The following DGKB variants were observed in gnomAD, a reference collection of about 807,000 sequenced individuals.
The protein encoded by DGKB is diacylglycerol kinase beta.
DGKB carries 67 observed loss-of-function variants against 114.3 expected under a neutral mutation model. That is an observed-to-expected ratio of 0.59 (90% CI 0.48 to 0.72). DGKB has a LOEUF of 0.72. Among genes scored for constraint, DGKB ranks in the 30% least tolerant of loss-of-function variants. The pLI, the probability that DGKB is intolerant of heterozygous loss-of-function variation, is 0.00. For synonymous variants in DGKB, 398 were observed against 323.1 expected (o/e 1.23, Z -2.49); for missense variants, 907 against 975.2 (o/e 0.93, Z 0.93).
chr7:14,736,921 G>A (rs971611319), intron 4 of DGKB, among the ~76,000 whole-genome samples: 3 of 152,282 alleles, frequency 2.0e-5, no homozygotes, highest in Admixed American at 1.3e-4. Context: ...CGTTTCACAG[G>A]AGCCATAGTG....
At chr7:14,299,242 A>G (rs890403010) in intron 23 of DGKB, among the ~76,000 whole-genome samples, 1 of 152,156 alleles carries the variant, frequency 6.6e-6, no homozygotes, top group Non-Finnish European at 1.5e-5. Flanking sequence ...CAGATAGAAA[A>G]AGAGGCATTT....
At chr7:14,914,679 A>G (rs566699157) in intron 1 of DGKB, among the ~76,000 whole-genome samples, 2 of 152,280 alleles carry the variant, frequency 1.3e-5, no homozygotes, top group East Asian at 3.9e-4. Context: ...AGACTCAGAT[A>G]TGACACAGAT....
At chr7:14,510,799 G>A (rs1787871685) in intron 20 of DGKB, among the ~76,000 whole-genome samples, 1 of 152,060 alleles carries the variant, frequency 6.6e-6, no homozygotes. Context: ...TTGATCCATG[G>A]CTTGCAGAAT....
intron 21 of DGKB, among the ~76,000 whole-genome samples, chr7:14,384,291 T>G (rs2128690699): frequency 6.6e-6 from 1 of 152,318 alleles, no homozygotes; most frequent in South Asian, 2.1e-4. Context: ...TACATTCTAT[T>G]TAGGGCAAGG....
At chr7:14,272,900 G>T (rs1427379133) in intron 23 of DGKB, among the ~76,000 whole-genome samples, 1 of 152,172 alleles carries the variant, frequency 6.6e-6, no homozygotes, top group Non-Finnish European at 1.5e-5. Flanking sequence ...GTGTAGGTTT[G>T]CATGTTGAGA....
At chr7:14,387,535 T>G (rs1211764472) in intron 21 of DGKB, among the ~76,000 whole-genome samples, 1 of 152,020 alleles carries the variant, frequency 6.6e-6, no homozygotes, top group East Asian at 1.9e-4. Flanking sequence ...ACCTAAGCCT[T>G]CAGAGTAGCT....
At chr7:14,397,178 GATT>G (rs1420883455) in intron 21 of DGKB, among the ~76,000 whole-genome samples, 1 of 152,060 alleles carries the variant, frequency 6.6e-6, no homozygotes, top group Admixed American at 6.6e-5. Context: ...TAGAAAATTA[GATT>G]ATTAGTATGA....
chr7:14,811,333 G>C (rs996332431), intron 2 of DGKB, among the ~76,000 whole-genome samples: 1 of 152,056 alleles, frequency 6.6e-6, no homozygotes, highest in South Asian at 2.1e-4. Flanking sequence ...TCAGTTTCCT[G>C]AGTAGCCGGG....
intron 20 of DGKB, among the ~76,000 whole-genome samples, chr7:14,520,874 C>G (rs1240557296): frequency 6.6e-6 from 1 of 152,054 alleles, no homozygotes; most frequent in Admixed American, 6.6e-5. Flanking sequence ...CTGGGAAGGT[C>G]TGTCCTCAGA....
chr7:14,349,066 T>A (rs188399012), intron 21 of DGKB, among the ~76,000 whole-genome samples: 39 of 152,158 alleles, frequency 2.6e-4, no homozygotes, highest in Middle Eastern at 3.4e-3. Flanking sequence ...AACATAAAAA[T>A]GGGCTGGAGT....
intron 21 of DGKB, among the ~76,000 whole-genome samples, chr7:14,432,789 T>G (rs1828663270): frequency 6.6e-6 from 1 of 152,152 alleles, no homozygotes; most frequent in South Asian, 2.1e-4. Context: ...TCTATTTCCC[T>G]CATTTCATGC....
intron 23 of DGKB, among the ~76,000 whole-genome samples, chr7:14,328,088 T>C (rs961933185): frequency 6.6e-6 from 1 of 152,134 alleles, no homozygotes; most frequent in Non-Finnish European, 1.5e-5. Context: ...TGGAATGTTC[T>C]ATGATACTAG....
chr7:14,887,974 T>C (rs1371257277), intron 1 of DGKB, among the ~76,000 whole-genome samples: 1 of 151,720 alleles, frequency 6.6e-6, no homozygotes, highest in Non-Finnish European at 1.5e-5. Context: ...TTACCATTGT[T>C]TTCCCAATAC....
chr7:14,240,189 A>T (rs1455721916), intron 23 of DGKB, among the ~76,000 whole-genome samples: 1 of 151,984 alleles, frequency 6.6e-6, no homozygotes, highest in African/African-American at 2.4e-5. Flanking sequence ...TTTCACTTTT[A>T]TGTCTCTGTT....
At chr7:14,817,518 CA>C (rs1237476525) in intron 2 of DGKB, among the ~76,000 whole-genome samples, 3 of 152,112 alleles carry the variant, frequency 2.0e-5, no homozygotes, top group Admixed American at 1.3e-4. Flanking sequence ...AGAATGGTAA[CA>C]AAGTAATTTA....
At chr7:14,635,893 T>A (rs952510045) in intron 13 of DGKB, among the ~76,000 whole-genome samples, 2 of 151,662 alleles carry the variant, frequency 1.3e-5, no homozygotes, top group Non-Finnish European at 3.0e-5. Context: ...AATATATCAT[T>A]GTATAGTTAG....
intron 13 of DGKB, among the ~76,000 whole-genome samples, chr7:14,647,150 A>T (rs1413068558): frequency 6.6e-6 from 1 of 152,096 alleles, no homozygotes; most frequent in African/African-American, 2.4e-5. Context: ...CCACATAAAT[A>T]CAAAGGATCA....
intron 2 of DGKB, among the ~76,000 whole-genome samples, chr7:14,811,633 A>G (rs965485786): frequency 2.0e-5 from 3 of 152,170 alleles, no homozygotes; most frequent in Non-Finnish European, 4.4e-5. Flanking sequence ...ACTTCAGGTG[A>G]AGGTGATAAT....
chr7:14,239,110 T>C (rs1054255436), intron 23 of DGKB, among the ~76,000 whole-genome samples: 1 of 152,002 alleles, frequency 6.6e-6, no homozygotes, highest in African/African-American at 2.4e-5. Flanking sequence ...CTGTTTATGT[T>C]ACTTGTCTAT....
Sources: gnomAD v4.1 joint callset for allele counts (sites outside exome capture counted in the v4.1 genomes callset) on GRCh38, gnomAD v4.1.1 for gene constraint, MANE v1.5 for transcripts, NCBI Gene and HGNC (gene_info 2026-07-23, HGNC 2026-07-21) for gene names.